Variants in ASCC1 observed in about 807,000 individuals in gnomAD.
ASCC1 encodes the protein activating signal cointegrator 1 complex subunit 1, also known as ASC-1 complex subunit P50.
In ASCC1, 35 loss-of-function variants were observed where a neutral mutation model predicts 46.6. The ratio of observed to expected loss-of-function variants is 0.75; its 90% CI spans 0.57 to 0.99. The LOEUF is 0.99. Ranked by LOEUF, ASCC1 falls within the 50% of genes least tolerant of loss-of-function variation. ASCC1 has a pLI of 0.00. For synonymous variants in ASCC1, 143 were observed against 146.6 expected, an observed-to-expected ratio of 0.98 and a Z score of 0.18; for missense variants, 376 against 428.7, an observed-to-expected ratio of 0.88 and a Z score of 1.09.
At chr10:72,170,122 A>G (rs1205748815) in intron 5 of ASCC1, among the ~76,000 whole-genome samples, 1 of 151,694 alleles carries the variant, frequency 6.6e-6, no homozygotes, top group Non-Finnish European at 1.5e-5. Flanking sequence ...CTCCGTCTCA[A>G]AGAAAAAAAA....
chr10:72,151,806 A>G (rs771345552), intron 7 of ASCC1, among the ~76,000 whole-genome samples: 26 of 149,192 alleles, frequency 1.7e-4, no homozygotes, highest in Non-Finnish European at 2.8e-4. Context: ...CTCCTGCCTC[A>G]GCCTCCCGAG....
chr10:72,202,756 T>G (rs931334153), intron 4 of ASCC1, among the ~76,000 whole-genome samples: 22 of 152,220 alleles, frequency 1.4e-4, no homozygotes, highest in African/African-American at 5.1e-4. Context: ...GGCTGAACTT[T>G]ATTTTATATT....
chr10:72,154,003 G>A (rs1392856433), intron 6 of ASCC1, among the ~76,000 whole-genome samples: 2 of 152,298 alleles, frequency 1.3e-5, no homozygotes, highest in East Asian at 1.9e-4. Context: ...TTACAGGCAT[G>A]AGCCACTGCG....
intron 5 of ASCC1, among the ~76,000 whole-genome samples, chr10:72,168,825 G>A (rs373600349): frequency 2.0e-5 from 3 of 152,192 alleles, no homozygotes; most frequent in East Asian, 1.9e-4. Context: ...GCCAGGAAGA[G>A]GCTATAGCAG....
chr10:72,106,583 C>A (rs909841735), intron 9 of ASCC1, among the ~76,000 whole-genome samples: 1 of 151,660 alleles, frequency 6.6e-6, no homozygotes, highest in Admixed American at 6.6e-5. Flanking sequence ...TAACCACCTA[C>A]CTCCCTATGA....
intron 3 of ASCC1, among the ~76,000 whole-genome samples, chr10:72,210,033 TCACCATGTGACATGCCTGCTCC>T (rs1256517997): frequency 3.9e-5 from 6 of 152,108 alleles, no homozygotes; most frequent in Non-Finnish European, 5.9e-5. Flanking sequence ...GCTCCTGCTT[TCACCATGTGACATGCCTGCTCC>T]CACTTCAGCT....
chr10:72,170,723 A>C (rs1850968936), intron 5 of ASCC1, among the ~76,000 whole-genome samples: 1 of 152,152 alleles, frequency 6.6e-6, no homozygotes, highest in African/African-American at 2.4e-5. Context: ...CAAACTAGAG[A>C]GGGAAAAAAT....
At chr10:72,141,086 TATAGATATAGACATAG>T (rs1846940045) in intron 7 of ASCC1, among the ~76,000 whole-genome samples, 1 of 122,114 alleles carries the variant, frequency 8.2e-6, no homozygotes, top group Non-Finnish European at 1.8e-5. Flanking sequence ...GATAGATAGA[TATAGATATAGACATAG>T]AGATATAGAT....
At chr10:72,131,439 T>TACACACACACACACACACACACAC (rs71927487) in intron 8 of ASCC1, among the ~76,000 whole-genome samples, 14 of 139,322 alleles carry the variant, frequency 1.0e-4, no homozygotes, top group African/African-American at 1.9e-4. Flanking sequence ...AAAATAAAAA[T>TACACACACACACACACACACACAC]ACACACACAC....
At chr10:72,176,332 T>G (rs962426082) in intron 5 of ASCC1, among the ~76,000 whole-genome samples, 1 of 152,120 alleles carries the variant, frequency 6.6e-6, no homozygotes, top group Non-Finnish European at 1.5e-5. Flanking sequence ...GCTTAAAATC[T>G]TAACTAGTTT....
intron 5 of ASCC1, among the ~76,000 whole-genome samples, chr10:72,187,901 C>T (rs1047019853): frequency 8.0e-5 from 12 of 150,748 alleles, no homozygotes; most frequent in African/African-American, 2.9e-4. Context: ...TGCAGTGAGC[C>T]GAGATCAAAC....
intron 5 of ASCC1, chr10:72,189,994 C>A: frequency 1.3e-6 from 1 of 757,324 alleles, no homozygotes; most frequent in South Asian, 1.3e-5. Flanking sequence ...AGTCTGATGT[C>A]ATGTGCTTTC....
intron 8 of ASCC1, among the ~76,000 whole-genome samples, chr10:72,130,379 A>G (rs1845447606): frequency 6.6e-6 from 1 of 152,218 alleles, no homozygotes; most frequent in Non-Finnish European, 1.5e-5. Context: ...TAAATTGTAG[A>G]GTATGTGAAT....
At chr10:72,173,493 T>C (rs1219859899) in intron 5 of ASCC1, among the ~76,000 whole-genome samples, 1 of 152,116 alleles carries the variant, frequency 6.6e-6, no homozygotes, top group Non-Finnish European at 1.5e-5. Context: ...GGTCACACGA[T>C]CGAAAGTCCT....
At chr10:72,099,832 CAAAT>C (rs2131874776) in intron 9 of ASCC1, among the ~76,000 whole-genome samples, 1 of 151,740 alleles carries the variant, frequency 6.6e-6, no homozygotes, top group Admixed American at 6.6e-5. Flanking sequence ...AACAAACAAA[CAAAT>C]AAACCAAAAA....
chr10:72,170,955 C>T (rs940078428), intron 5 of ASCC1, among the ~76,000 whole-genome samples: 4 of 151,962 alleles, frequency 2.6e-5, no homozygotes, highest in Non-Finnish European at 5.9e-5. Context: ...GACAACATAG[C>T]AAGATCCCAC....
At chr10:72,184,340 T>C (rs563434763) in intron 5 of ASCC1, among the ~76,000 whole-genome samples, 33 of 152,152 alleles carry the variant, frequency 2.2e-4, no homozygotes, top group African/African-American at 7.7e-4. Context: ...TTCTATCTAC[T>C]CCAGTTAAAA....
intron 5 of ASCC1, among the ~76,000 whole-genome samples, chr10:72,195,336 G>C (rs993106115): frequency 2.0e-5 from 3 of 151,270 alleles, no homozygotes; most frequent in South Asian, 2.1e-4. Flanking sequence ...TGTAGAGACA[G>C]GGTTTTGCTG....
chr10:72,169,133 A>G lies in ASCC1; in HGVS notation c.490-7459T>C, dbSNP rs1214305062. 2.6e-5 allele frequency among the ~76,000 whole-genome samples: 4 copies of G among 152,238 alleles called. No individual in the cohort carries two copies. The East Asian group carries it at 7.7e-4, about 29-fold the overall frequency. ...ATACAATGATCTGGAGTGATATTTCAGGACCTATTATTAAATGAGAAATGC... is the reference window on the plus strand; with the variant it reads ...ATACAATGATCTGGAGTGATATTTCGGGACCTATTATTAAATGAGAAATGC... On this transcript the variant is annotated intron_variant, in intron 5 of 9. Coordinates refer to ENST00000672957, the MANE Select transcript of ASCC1 (RefSeq NM_001198800.3).
Sources: allele counts gnomAD v4.1 joint callset (sites outside exome capture counted in the v4.1 genomes callset), GRCh38; gene constraint gnomAD v4.1.1; transcripts MANE v1.5; gene names NCBI Gene and HGNC (gene_info 2026-07-23, HGNC 2026-07-21).